CCDC85A: variants seen among roughly 807,000 people sequenced by gnomAD.
The protein encoded by CCDC85A is coiled-coil domain-containing protein 85A.
Under a neutral mutation model 50.2 loss-of-function variants are expected in CCDC85A, and 38 were observed. That is an observed-to-expected ratio of 0.76 (90% CI 0.58 to 0.99). CCDC85A has a LOEUF of 0.99. CCDC85A is among the 50% of genes least tolerant of loss of function. The pLI, the probability that CCDC85A is intolerant of heterozygous loss-of-function variation, is 0.00. For synonymous variants in CCDC85A, 366 were observed against 301.4 expected (o/e 1.21, Z -2.22); for missense variants, 820 against 742.0 (o/e 1.11, Z -1.22).
intron 2 of CCDC85A, among the ~76,000 whole-genome samples, chr2:56,232,260 C>A (rs1192197049): frequency 6.6e-6 from 1 of 152,108 alleles, no homozygotes; most frequent in Non-Finnish European, 1.5e-5. Flanking sequence ...ATGCCCAAAA[C>A]CAGACTCTGG....
intron 2 of CCDC85A, among the ~76,000 whole-genome samples, chr2:56,322,623 T>C (rs903714334): frequency 1.3e-5 from 2 of 152,046 alleles, no homozygotes; most frequent in Non-Finnish European, 2.9e-5. Flanking sequence ...AGAATGGCGA[T>C]CATTAAAAAG....
intron 2 of CCDC85A, among the ~76,000 whole-genome samples, chr2:56,212,950 G>A (rs1417300714): frequency 6.6e-6 from 1 of 151,974 alleles, no homozygotes; most frequent in Non-Finnish European, 1.5e-5. Flanking sequence ...CCTCCAAAGA[G>A]GAAATAATAG....
At chr2:56,281,373 A>C (rs1264603530) in intron 2 of CCDC85A, among the ~76,000 whole-genome samples, 1 of 152,180 alleles carries the variant, frequency 6.6e-6, no homozygotes, top group Non-Finnish European at 1.5e-5. Context: ...GGCTGTTCTG[A>C]ATAAAGTCAT....
chr2:56,363,237 T>G (rs1675625041), intron 3 of CCDC85A, among the ~76,000 whole-genome samples: 1 of 152,316 alleles, frequency 6.6e-6, no homozygotes, highest in South Asian at 2.1e-4. Flanking sequence ...TGTGCTTTGA[T>G]GATGGTCTCG....
In CCDC85A at chr2:56,301,363, C is replaced by T. The variant is rs114170011; in HGVS notation, c.1241-41516C>T. ...GCAATGTTTCTTAAAGTATGACCTT[C>T]TTACCACCTGTGACAGAATCACCTG... is the stretch of plus-strand genomic sequence containing the variant. On this transcript the variant is annotated intron_variant, in intron 2 of 5. Transcript: ENST00000407595. 2.9e-3 allele frequency among the ~76,000 whole-genome samples: 448 copies of T among 152,260 alleles called. 4 individuals carry two copies. The highest frequency in any genetic ancestry group is 9.8e-3 in the African/African-American group (406 of 41,564).
chr2:56,339,982 A>G (rs143554059), intron 2 of CCDC85A, among the ~76,000 whole-genome samples: 3 of 151,868 alleles, frequency 2.0e-5, no homozygotes, highest in Admixed American at 6.5e-5. Context: ...TCTTTAGCAA[A>G]TATCTTCAGT....
chr2:56,307,150 T>C (rs192456801), intron 2 of CCDC85A, among the ~76,000 whole-genome samples: 69 of 152,298 alleles, frequency 4.5e-4, no homozygotes, highest in African/African-American at 1.6e-3. Context: ...AGCCTTTATA[T>C]AGAAATTGTT....
At chr2:56,277,015 C>A (rs556115842) in intron 2 of CCDC85A, among the ~76,000 whole-genome samples, 1 of 152,334 alleles carries the variant, frequency 6.6e-6, no homozygotes, top group East Asian at 1.9e-4. Flanking sequence ...CCTCCAAGAA[C>A]AGGCCAGCTC....
intron 2 of CCDC85A, among the ~76,000 whole-genome samples, chr2:56,311,453 C>T (rs1672686687): frequency 2.7e-5 from 4 of 150,750 alleles, no homozygotes; most frequent in African/African-American, 4.9e-5. Flanking sequence ...ATCTGTTCAT[C>T]GTTGTTTTTT....
In CCDC85A at chr2:56,192,971, G is replaced by A. The variant is rs1228573057; in HGVS notation, c.771G>A (p.Glu257=). The change falls in exon 2 of 6, where the codon GAG becomes GAA. Residue 257 remains glutamate (E), a synonymous_variant. Transcript: ENST00000407595. The surrounding 1 kb of genome is among the most constrained non-coding windows in gnomAD (Gnocchi z 4.7). ...EHSKHRSASP[E]HPQKPRACGT... Reference sequence around the variant, plus strand: ...CCAAGCACAGGAGCGCCAGCCCCGAGCATCCACAGAAACCCAGAGCCTGTG... The same window carrying A: ...CCAAGCACAGGAGCGCCAGCCCCGAACATCCACAGAAACCCAGAGCCTGTG... 4 of 1,612,700 alleles carry A rather than the reference G, an allele frequency of 2.5e-6. No individual in the cohort carries two copies.
intron 1 of CCDC85A, among the ~76,000 whole-genome samples, chr2:56,187,172 T>A (rs1676083759): frequency 6.6e-6 from 1 of 152,138 alleles, no homozygotes; most frequent in African/African-American, 2.4e-5. Flanking sequence ...TATTTTGGCT[T>A]AACTGGAAGA....
chr2:56,383,687 G>A (rs1037174127), intron 5 of CCDC85A: 4 of 984,888 alleles, frequency 4.1e-6, no homozygotes, highest in Admixed American at 6.2e-5. Flanking sequence ...TGTAGAAAAA[G>A]CCAGAGAAAT....
chr2:56,247,169 C>T (rs1287517954), intron 2 of CCDC85A, among the ~76,000 whole-genome samples: 6 of 152,136 alleles, frequency 3.9e-5, no homozygotes, highest in Admixed American at 2.6e-4. Flanking sequence ...GATTGCCCTA[C>T]GTTAGTAGTG....
chr2:56,196,950 G>C lies in CCDC85A; in HGVS notation c.1240+3510G>C, dbSNP rs1161359474. 2.0e-5 allele frequency among the ~76,000 whole-genome samples: 3 copies of C among 151,022 alleles called. No homozygotes were observed. The East Asian group carries it at 5.9e-4, about 29-fold the overall frequency. ...GGGTCTGATTCCCTTTGCCTTGTTA[G>C]AGCAAGTTTCAGTGAGCAGTAACAT... On this transcript the variant is annotated intron_variant, in intron 2 of 5. Transcript: ENST00000407595.
intron 2 of CCDC85A, among the ~76,000 whole-genome samples, chr2:56,309,706 T>C (rs1287966486): frequency 6.6e-6 from 1 of 152,282 alleles, no homozygotes; most frequent in Middle Eastern, 3.4e-3. Flanking sequence ...AAGAAGCTAC[T>C]GTGTATCCCA....
intron 2 of CCDC85A, among the ~76,000 whole-genome samples, chr2:56,208,421 C>T (rs937990525): frequency 3.3e-5 from 5 of 152,132 alleles, no homozygotes; most frequent in African/African-American, 1.2e-4. Context: ...TGGTAACTCA[C>T]TGAAGATATA....
At chr2:56,251,630 TC>T (rs1669760772) in intron 2 of CCDC85A, among the ~76,000 whole-genome samples, 1 of 152,134 alleles carries the variant, frequency 6.6e-6, no homozygotes, top group Non-Finnish European at 1.5e-5. Context: ...CAGTGGCAGC[TC>T]CTTTCTTCTT....
At chr2:56,210,533 G>T (rs992861039) in intron 2 of CCDC85A, among the ~76,000 whole-genome samples, 4 of 152,016 alleles carry the variant, frequency 2.6e-5, no homozygotes, top group Non-Finnish European at 5.9e-5. Context: ...GGGATGGTTT[G>T]TTTCTACTCC....
chr2:56,346,297 T>G (rs1674627447), intron 3 of CCDC85A, among the ~76,000 whole-genome samples: 1 of 152,212 alleles, frequency 6.6e-6, no homozygotes, highest in Non-Finnish European at 1.5e-5. Context: ...TTTTTTCATT[T>G]GTAAATGAAG....
Sources: allele counts gnomAD v4.1 joint callset (sites outside exome capture counted in the v4.1 genomes callset), GRCh38; gene constraint gnomAD v4.1.1; non-coding constraint Gnocchi (gnomAD v3.1); transcripts MANE v1.5; gene names NCBI Gene and HGNC (gene_info 2026-07-23, HGNC 2026-07-21).